The following ERI1 variants were observed in gnomAD, a reference collection of about 807,000 sequenced individuals.
ERI1 encodes exoribonuclease 1, also known as 3'-5' exoribonuclease 1.
Under a neutral mutation model 39.7 loss-of-function variants are expected in ERI1, and 39 were observed. The ratio of observed to expected loss-of-function variants is 0.98; its 90% CI spans 0.76 to 1.28. The LOEUF (loss-of-function observed/expected upper bound fraction) is 1.28. Ranked by LOEUF, ERI1 falls within the 50% of genes most tolerant of loss-of-function variation. The pLI is 0.00. For missense variants in ERI1, 581 were observed against 416.9 expected (o/e 1.39, Z -3.43); for synonymous variants, 204 against 149.6 (o/e 1.36, Z -2.65).
At chr8:9,064,886 G>A (rs1309399317) in intron 3 of ERI1, among the ~76,000 whole-genome samples, 1 of 152,168 alleles carries the variant, frequency 6.6e-6, no homozygotes, top group Non-Finnish European at 1.5e-5. Context: ...CTGAGTCCGA[G>A]AAGAGAGTCA....
At chr8:9,067,144 A>T (rs1798903503) in intron 3 of ERI1, among the ~76,000 whole-genome samples, 2 of 152,290 alleles carry the variant, frequency 1.3e-5, no homozygotes, top group Admixed American at 6.5e-5. Flanking sequence ...TCGTTTTGGG[A>T]ACACTAAAGA....
At chr8:9,053,407 A>G (rs1196856315) in intron 3 of ERI1, among the ~76,000 whole-genome samples, 1 of 152,218 alleles carries the variant, frequency 6.6e-6, no homozygotes, top group Non-Finnish European at 1.5e-5. Context: ...CTGGGTTGAT[A>G]AGCTCATGAT....
intron 3 of ERI1, among the ~76,000 whole-genome samples, chr8:9,046,105 A>G (rs1004245057): frequency 6.6e-6 from 1 of 152,250 alleles, no homozygotes; most frequent in African/African-American, 2.4e-5. Context: ...TCCCACAGGT[A>G]ACTGTGATCC....
intron 3 of ERI1, among the ~76,000 whole-genome samples, chr8:9,056,620 G>T (rs1453349371): frequency 6.7e-6 from 1 of 148,868 alleles, no homozygotes; most frequent in African/African-American, 2.4e-5. Context: ...TTCGCGAAGG[G>T]CTCGGTTTTC....
At chr8:9,050,213 T>C (rs1285043404) in intron 3 of ERI1, among the ~76,000 whole-genome samples, 1 of 151,866 alleles carries the variant, frequency 6.6e-6, no homozygotes, top group Non-Finnish European at 1.5e-5. Flanking sequence ...TACTATTAGA[T>C]TTTCTAGGTC....
chr8:9,023,793 C>CT (rs3083379), intron 6 of ERI1, among the ~76,000 whole-genome samples: 29,024 of 77,856 alleles, frequency 0.37, 7,461 homozygotes, highest in East Asian at 0.57. Context: ...GTAAAAATGA[C>CT]TTTTTTTTTT....
intron 3 of ERI1, among the ~76,000 whole-genome samples, chr8:9,077,681 C>G (rs987905859): frequency 6.6e-6 from 1 of 152,202 alleles, no homozygotes; most frequent in Non-Finnish European, 1.5e-5. Context: ...AAAAGTCTCT[C>G]TGAGCAAGAG....
chr8:9,092,526 A>G (rs1031039669), intron 3 of ERI1, among the ~76,000 whole-genome samples: 4 of 152,214 alleles, frequency 2.6e-5, no homozygotes, highest in Non-Finnish European at 5.9e-5. Flanking sequence ...GGGTAAACAG[A>G]TAGGGAACAT....
At chr8:9,062,480 A>G (rs60395680) in intron 3 of ERI1, among the ~76,000 whole-genome samples, 79,139 of 148,160 alleles carry the variant, frequency 0.53, 22,160 homozygotes, top group South Asian at 0.62. Flanking sequence ...CTAAGTTGGC[A>G]CCAGAGTTGG....
intron 3 of ERI1, chr8:9,091,275 C>G (rs560145964): frequency 8.5e-5 from 13 of 152,300 alleles, no homozygotes; most frequent in Non-Finnish European, 1.3e-4. Context: ...AATCCAAGTA[C>G]TTTGGGAGGC....
intron 6 of ERI1, among the ~76,000 whole-genome samples, chr8:9,022,147 T>A (rs1329774448): frequency 6.6e-6 from 1 of 152,214 alleles, no homozygotes; most frequent in Non-Finnish European, 1.5e-5. Flanking sequence ...TGTAAGTTTT[T>A]GCTAGCATCT....
At chr8:9,052,202 T>G (rs1798378673) in intron 3 of ERI1, among the ~76,000 whole-genome samples, 1 of 152,262 alleles carries the variant, frequency 6.6e-6, no homozygotes, top group Non-Finnish European at 1.5e-5. Flanking sequence ...GGACGTTTTC[T>G]GTGAGTTTCA....
intron 3 of ERI1, among the ~76,000 whole-genome samples, chr8:9,074,201 C>T (rs1002421068): frequency 4.6e-5 from 7 of 152,056 alleles, no homozygotes; most frequent in Non-Finnish European, 1.0e-4. Context: ...ACCTCCGCCT[C>T]CCAGGTTCAA....
At chr8:9,016,859 T>G (rs578244778) in intron 4 of ERI1, among the ~76,000 whole-genome samples, 1 of 151,910 alleles carries the variant, frequency 6.6e-6, no homozygotes, top group African/African-American at 2.4e-5. Context: ...GCTAATTTTT[T>G]TATTTTTAGT....
At position 9,032,419 on chromosome 8, in the gene ERI1, A is replaced by G. The variant is rs533784167; in HGVS notation, c.*2385A>G. 7.2e-5 allele frequency: 11 copies of G among 152,188 alleles called. No homozygotes were observed. Among genetic ancestry groups the G allele is most frequent in the Non-Finnish European group, 1.6e-4 (11 of 68,026 alleles). The allele number at this position is 152,188 out of a possible 1,614,324, so 9.4% of individuals were successfully genotyped here. On this transcript the variant is annotated 3_prime_UTR_variant, in exon 7 of 7. Coordinates refer to ENST00000250263, the MANE Select transcript of ERI1 (RefSeq NM_153332.4). Reference sequence around the variant, plus strand: ...CAATCTTTATAACCAACTGAAGTATATAATAGAGCATTACATTTTATCTTT... The same window carrying G: ...CAATCTTTATAACCAACTGAAGTATGTAATAGAGCATTACATTTTATCTTT...
chr8:9,045,371 C>G (rs938647940), intron 3 of ERI1, among the ~76,000 whole-genome samples: 1 of 152,074 alleles, frequency 6.6e-6, no homozygotes, highest in Non-Finnish European at 1.5e-5. Flanking sequence ...TATACTTGCA[C>G]TGAAACGAAT....
intron 4 of ERI1, among the ~76,000 whole-genome samples, chr8:9,017,328 A>C (rs1218007112): frequency 1.3e-5 from 2 of 152,116 alleles, no homozygotes; most frequent in African/African-American, 4.8e-5. Context: ...ATGAGCCACC[A>C]CACCTAGCCT....
intron 3 of ERI1, among the ~76,000 whole-genome samples, chr8:9,078,040 A>T (rs1034591786): frequency 6.6e-6 from 1 of 152,022 alleles, no homozygotes; most frequent in Non-Finnish European, 1.5e-5. Flanking sequence ...GCCAGGCTGG[A>T]ATGCAGTGGA....
intron 3 of ERI1, among the ~76,000 whole-genome samples, chr8:9,046,152 G>A (rs1798168442): frequency 6.6e-6 from 1 of 152,160 alleles, no homozygotes; most frequent in Non-Finnish European, 1.5e-5. Context: ...GACCGCTGCT[G>A]GGCCATCAGC....
Sources: allele counts gnomAD v4.1 joint callset (sites outside exome capture counted in the v4.1 genomes callset), GRCh38; gene constraint gnomAD v4.1.1; transcripts MANE v1.5; gene names NCBI Gene and HGNC (gene_info 2026-07-23, HGNC 2026-07-21).